FHDC1: variants seen among roughly 807,000 people sequenced by gnomAD.
The protein encoded by FHDC1 is FH2 domain-containing protein 1.
A neutral mutation model predicts 52.6 loss-of-function variants in FHDC1; 25 were observed. That is an observed-to-expected ratio of 0.48 (90% CI 0.35 to 0.66). The LOEUF is 0.66. Among genes scored for constraint, FHDC1 ranks in the 30% least tolerant of loss-of-function variants. The pLI is 0.01. For missense variants in FHDC1, 1,459 were observed against 1,452.8 expected (o/e 1.00, Z -0.07); for synonymous variants, 616 against 581.5 (o/e 1.06, Z -0.85).
the FHDC1 span, among the ~76,000 whole-genome samples, chr4:152,924,622 A>C: frequency 6.6e-6 from 1 of 152,222 alleles, no homozygotes; most frequent in Non-Finnish European, 1.5e-5. Context: ...AATGTCCAAC[A>C]GTGATAGACT....
the FHDC1 span, chr4:152,928,127 GCAGA>G: frequency 3.1e-6 from 3 of 979,356 alleles, no homozygotes; most frequent in Admixed American, 5.1e-5. Flanking sequence ...TGAGTCCAGC[GCAGA>G]CAGTGAAGGC....
chr4:152,912,895 C>CTT, the FHDC1 span, among the ~76,000 whole-genome samples: 3 of 152,246 alleles, frequency 2.0e-5, no homozygotes, highest in South Asian at 6.2e-4. Context: ...GAAATCTAGG[C>CTT]TTTAAGAAGC....
chr4:152,927,873 C>T, the FHDC1 span: 16 of 1,396,250 alleles, frequency 1.1e-5, no homozygotes, highest in African/African-American at 1.6e-4. Flanking sequence ...CCCTTAGAAA[C>T]CAAGAACAAG....
chr4:152,968,620 G>A (rs185877403), intron 10 of FHDC1, among the ~76,000 whole-genome samples: 156 of 152,138 alleles, frequency 1.0e-3, no homozygotes, highest in African/African-American at 3.0e-3. Flanking sequence ...GTGAGCCACC[G>A]CGCCCAGCCC....
At chr4:152,944,396 CACA>C (rs144802822) in intron 2 of FHDC1, among the ~76,000 whole-genome samples, 2,511 of 151,454 alleles carry the variant, frequency 0.017, 59 homozygotes, top group African/African-American at 0.056. Flanking sequence ...ACACACAAAG[CACA>C]ACAACAACAA....
At chr4:152,951,419 TAAG>T (rs1391287985) in intron 2 of FHDC1, among the ~76,000 whole-genome samples, 1 of 151,908 alleles carries the variant, frequency 6.6e-6, no homozygotes, top group African/African-American at 2.4e-5. Context: ...AGGATTCCAA[TAAG>T]GAGGCCGCCC....
Position 152,943,312 on chromosome 4 carries a change from G to GAAC in FHDC1, c.256_258dup (p.Asn86dup), listed in dbSNP as rs751934930. The GAAC allele has an allele frequency of 2.0e-5, 30 of 1,486,202 alleles. No individual in the cohort carries two copies. Among genetic ancestry groups the GAAC allele is most frequent in the Non-Finnish European group, 2.0e-5 (22 of 1,105,078 alleles). 92.1% of individuals were successfully genotyped at this position (1,486,202 alleles called of 1,614,324 possible). ...CAGGCCTACCCCCAACTACTCACATGAACGGCTACAGCCACCTTGGTAAGA... is the reference window on the plus strand; with the variant it reads ...CAGGCCTACCCCCAACTACTCACATGAACAACGGCTACAGCCACCTTGGTAAGA... On this transcript the variant is annotated inframe_insertion, in exon 2 of 12. Transcript: ENST00000511601.
At chr4:152,914,783 A>T in the FHDC1 span, among the ~76,000 whole-genome samples, 1 of 152,208 alleles carries the variant, frequency 6.6e-6, no homozygotes, top group African/African-American at 2.4e-5. Context: ...TGAAATGTAC[A>T]TCTAGCTGGT....
chr4:152,936,766 A>C (rs758476741), intron 1 of FHDC1, among the ~76,000 whole-genome samples: 10 of 152,256 alleles, frequency 6.6e-5, no homozygotes, highest in Admixed American at 2.0e-4. Context: ...GCGGTTGACT[A>C]TTAGTCGTGG....
upstream of FHDC1, among the ~76,000 whole-genome samples, chr4:152,935,614 T>C (rs115448624): frequency 3.6e-3 from 543 of 152,032 alleles, 4 homozygotes; most frequent in Admixed American, 6.6e-3. Flanking sequence ...ACCATCATCA[T>C]TGAGAATTAA....
Position 152,976,888 on chromosome 4 carries a change from G to A in FHDC1, c.*165G>A, listed in dbSNP as rs988370347. The A allele has an allele frequency of 2.3e-6, 2 of 858,064 alleles. No homozygotes were observed. Among genetic ancestry groups the A allele is most frequent in the Admixed American group, 3.2e-5 (1 of 31,442 alleles). 53.2% of individuals were successfully genotyped at this position (858,064 alleles called of 1,614,324 possible). On this transcript the variant is annotated 3_prime_UTR_variant, in exon 12 of 12. Coordinates refer to ENST00000511601, the MANE Select transcript of FHDC1 (RefSeq NM_001371116.1). ...GCACAGTCCAGGAGGCCTGTGGACT[G>A]CAGCCTGCTGTGCTGAGCCCTGCTG...
intron 4 of FHDC1, among the ~76,000 whole-genome samples, chr4:152,956,307 C>T (rs761358958): frequency 4.6e-5 from 7 of 152,110 alleles, no homozygotes; most frequent in Non-Finnish European, 7.3e-5. Context: ...GATTTGACAG[C>T]GCATGTGAAA....
At chr4:152,972,683 T>C (rs1740675986) in intron 11 of FHDC1, 142 bp downstream of exon 11, 1 of 1,019,986 alleles carries the variant, frequency 9.8e-7, no homozygotes, top group Non-Finnish European at 1.4e-6. Flanking sequence ...ATTGCCAGGC[T>C]CTCGGCTGGG....
In FHDC1 at chr4:152,954,395, T is replaced by C; in HGVS notation, c.663+76T>C. Reference sequence around the variant, plus strand: ...TTAATATTTTTAAGTGTGTCAAAGCTCACATGGAAGGCCAGGAGCAGTGGC... The same window carrying C: ...TTAATATTTTTAAGTGTGTCAAAGCCCACATGGAAGGCCAGGAGCAGTGGC... On this transcript the variant is annotated intron_variant, in intron 4 of 11. Transcript: ENST00000511601. The C allele has an allele frequency of 3.1e-6, 4 of 1,270,994 alleles. No individual in the cohort carries two copies. The Admixed American group carries it at 7.2e-5, about 23-fold the overall frequency. 78.7% of individuals were successfully genotyped at this position (1,270,994 alleles called of 1,614,324 possible).
intron 4 of FHDC1, among the ~76,000 whole-genome samples, chr4:152,956,277 G>A (rs1338077692): frequency 3.3e-5 from 5 of 152,066 alleles, no homozygotes; most frequent in East Asian, 3.9e-4. Flanking sequence ...TGACCTCATC[G>A]TGTTGTTAAG....
chr4:152,946,769 T>G (rs969146009), intron 2 of FHDC1, among the ~76,000 whole-genome samples: 2 of 152,140 alleles, frequency 1.3e-5, no homozygotes, highest in African/African-American at 2.4e-5. Flanking sequence ...CATAACCTCC[T>G]ACAGAAACAG....
At chr4:152,958,951 G>A (rs1454492841) in intron 4 of FHDC1, among the ~76,000 whole-genome samples, 3 of 152,228 alleles carry the variant, frequency 2.0e-5, no homozygotes, top group Admixed American at 1.3e-4. Flanking sequence ...ATACTAGGGT[G>A]TGAACTCGAA....
the FHDC1 span, among the ~76,000 whole-genome samples, chr4:152,921,105 CTTG>C: frequency 6.6e-6 from 1 of 151,912 alleles, no homozygotes; most frequent in Non-Finnish European, 1.5e-5. Flanking sequence ...TTTAACCTTT[CTTG>C]CTAAAAATAC....
upstream of FHDC1, among the ~76,000 whole-genome samples, chr4:152,933,943 C>G (rs1376829987): frequency 6.6e-6 from 1 of 151,930 alleles, no homozygotes; most frequent in African/African-American, 2.4e-5. Context: ...TGAAATCAGA[C>G]TTTTAAAAAC....
Sources: allele counts gnomAD v4.1 joint callset (sites outside exome capture counted in the v4.1 genomes callset), GRCh38; gene constraint gnomAD v4.1.1; transcripts MANE v1.5; gene names NCBI Gene and HGNC (gene_info 2026-07-23, HGNC 2026-07-21).